Variants in ARF3 observed in about 807,000 individuals in gnomAD.
ARF3 encodes ARF GTPase 3.
A neutral mutation model predicts 19.3 loss-of-function variants in ARF3; 5 were observed. The ratio of observed to expected loss-of-function variants is 0.26; its 90% CI spans 0.14 to 0.54. ARF3 has a LOEUF of 0.54. Among genes scored for constraint, ARF3 ranks in the 20% least tolerant of loss-of-function variants. ARF3 has a pLI of 0.95. For missense variants in ARF3, 77 were observed against 234.2 expected (o/e 0.33, Z 4.38); for synonymous variants, 71 against 89.2 (o/e 0.80, Z 1.15).
chr12:48,949,289 G>A (rs982715277), intron 1 of ARF3, among the ~76,000 whole-genome samples: 2 of 152,144 alleles, frequency 1.3e-5, no homozygotes, highest in African/African-American at 4.8e-5. Flanking sequence ...GCAGTGGCGC[G>A]ATCTCGGCTC....
chr12:48,947,268 A>G (rs1481818711), intron 1 of ARF3, among the ~76,000 whole-genome samples: 1 of 151,960 alleles, frequency 6.6e-6, no homozygotes. Context: ...AAAGTTAAGA[A>G]ATAGCTTCTG....
At chr12:48,940,771 G>A (rs1290979202) in intron 2 of ARF3, among the ~76,000 whole-genome samples, 177 bp downstream of exon 2, 3 of 152,194 alleles carry the variant, frequency 2.0e-5, no homozygotes, top group Non-Finnish European at 4.4e-5. Context: ...CAGGTTAGGT[G>A]GGCAAACAGC....
chr12:48,940,196 A>G, intron 2 of ARF3, 89 bp from the exon 3 acceptor site: 1 of 1,072,306 alleles, frequency 9.3e-7, no homozygotes, highest in Non-Finnish European at 1.4e-6. Flanking sequence ...GCTTTCCCCC[A>G]GTGGTGGCCA....
chr12:48,943,680 T>C (rs1301090181), intron 1 of ARF3, among the ~76,000 whole-genome samples: 2 of 152,204 alleles, frequency 1.3e-5, no homozygotes, highest in African/African-American at 2.4e-5. Flanking sequence ...CAACAGTCCC[T>C]GAAGACCAAA....
At chr12:48,954,935 T>G (rs1476483571) in intron 1 of ARF3, among the ~76,000 whole-genome samples, 1 of 152,322 alleles carries the variant, frequency 6.6e-6, no homozygotes, top group East Asian at 1.9e-4. Context: ...ACAGGATGGC[T>G]TGAGGCCAGC....
chr12:48,938,896 C>A lies in ARF3; in HGVS notation c.*51G>T. 6.3e-7 allele frequency: 1 copy of A among 1,589,980 alleles called. No individual in the cohort carries two copies. Among genetic ancestry groups the A allele is most frequent in the Non-Finnish European group, 8.6e-7 (1 of 1,166,972 alleles). On this transcript the variant is annotated 3_prime_UTR_variant, in exon 5 of 5. Coordinates refer to ENST00000256682, the MANE Select transcript of ARF3 (RefSeq NM_001659.3). The stretch of plus-strand genomic sequence containing the variant: ...AAGGGGTAGGACTGGGGCAGGGTGA[C>A]AGTAGGTATGTCAGGGGTGGGTGGG...
Position 48,939,031 on chromosome 12 carries a change from G to A in ARF3, c.462C>T (p.Tyr154=). 1 of 1,613,914 alleles carries A rather than the reference G, an allele frequency of 6.2e-7. No individual in the cohort carries two copies. Among genetic ancestry groups the A allele is most frequent in the South Asian group, 1.1e-5 (1 of 91,060 alleles). ...CGCTGGTGGCACAGGTGGCCTGAAT[G>A]TACCAGTTACGGTGACGAAGGGAAT... is the stretch of plus-strand genomic sequence containing the variant. The part of the protein sequence containing the change: ...GLHSLRHRNW[Y]IQATCATSGD... The change falls in exon 5 of 5, where the codon TAC becomes TAT. Residue 154 remains tyrosine, a synonymous_variant. Coordinates refer to ENST00000256682, the MANE Select transcript of ARF3 (RefSeq NM_001659.3). This position sits in a 1 kb window ranked among gnomAD's most constrained non-coding sequence, Gnocchi z 4.8.
chr12:48,949,281 A>G (rs1940420428), intron 1 of ARF3, among the ~76,000 whole-genome samples: 1 of 152,172 alleles, frequency 6.6e-6, no homozygotes, highest in Admixed American at 6.5e-5. Flanking sequence ...GTTGCAGTGC[A>G]GTGGCGCGAT....
chr12:48,956,541 G>C (rs1193211265), intron 1 of ARF3: 1 of 152,078 alleles, frequency 6.6e-6, no homozygotes, highest in African/African-American at 2.4e-5. Flanking sequence ...ACTTCCTAAA[G>C]AAAGAAAGCG....
rs1162237088 is a variant in ARF3, at chr12:48,936,514, A to C, written c.*2433T>G. ...AGCTGTTAAGTGAATGGGAATGTAG[A>C]AAGGACCACCCCTGCCAAGGGCTTA... On this transcript the variant is annotated 3_prime_UTR_variant, in exon 5 of 5. Transcript: ENST00000256682. 1 of 152,718 alleles carries C rather than the reference A, an allele frequency of 6.5e-6. No homozygotes were observed. Among genetic ancestry groups the C allele is most frequent in the Non-Finnish European group, 1.5e-5 (1 of 68,094 alleles). The allele number at this position is 152,718 out of a possible 1,614,324, so 9.5% of individuals were successfully genotyped here.
At chr12:48,940,918 T>A (rs1940244788) in intron 2 of ARF3, 30 bp downstream of exon 2, 1 of 1,531,842 alleles carries the variant, frequency 6.5e-7, no homozygotes, top group African/African-American at 1.4e-5. Context: ...GCTGCCGGCG[T>A]GAAAGCCCAC....
chr12:48,940,111 T>A lies in ARF3; in HGVS notation c.149-4A>T. On this transcript the variant is annotated splice_region_variant and splice_polypyrimidine_tract_variant and intron_variant, in intron 2 of 4. Transcript: ENST00000256682. ...TCCACTGTCTCCACATTGAACCCTT[T>A]GGAAAAAAAACAGGCAATGGCCACT... 1 of 1,591,246 alleles carries A rather than the reference T, an allele frequency of 6.3e-7. No homozygotes were observed.
At chr12:48,940,746 C>T (rs1413740872) in intron 2 of ARF3, among the ~76,000 whole-genome samples, 1 of 152,176 alleles carries the variant, frequency 6.6e-6, no homozygotes, top group African/African-American at 2.4e-5. Flanking sequence ...TGGAAGTTCC[C>T]GCATCAGGGA....
intron 1 of ARF3, among the ~76,000 whole-genome samples, chr12:48,944,212 TTA>T (rs1453921828): frequency 1.3e-5 from 2 of 152,242 alleles, no homozygotes; most frequent in African/African-American, 4.8e-5. Context: ...TTGCTGTCCT[TTA>T]TGACTGAAAC....
Position 48,938,227 on chromosome 12 carries a change from T to G in ARF3, c.*720A>C. ...GAGAAGAGTACAAGGAAAATGGTGG[T>G]GAAGAATCCATCATCTGTCCTATCA... is the stretch of plus-strand genomic sequence containing the variant. On this transcript the variant is annotated 3_prime_UTR_variant, in exon 5 of 5. Coordinates refer to ENST00000256682, the MANE Select transcript of ARF3 (RefSeq NM_001659.3). The G allele has an allele frequency of 2.8e-6, 1 of 363,002 alleles. No individual in the cohort carries two copies. Among genetic ancestry groups the G allele is most frequent in the South Asian group, 2.0e-5 (1 of 50,330 alleles). The allele number at this position is 363,002 out of a possible 1,614,324, so 22.5% of individuals were successfully genotyped here. A position where few individuals can be genotyped will look rare whatever the true frequency, so the allele number is the denominator to read the frequency against.
intron 2 of ARF3, 91 bp from the exon 3 acceptor site, chr12:48,940,198 T>G: frequency 5.6e-6 from 6 of 1,063,680 alleles, no homozygotes; most frequent in Non-Finnish European, 1.5e-6. Flanking sequence ...TTTCCCCCAG[T>G]GGTGGCCATA....
intron 1 of ARF3, among the ~76,000 whole-genome samples, chr12:48,946,218 C>T (rs1335740141): frequency 6.6e-6 from 1 of 152,156 alleles, no homozygotes; most frequent in Non-Finnish European, 1.5e-5. Flanking sequence ...AGCATGCTGC[C>T]CTACCACCAA....
intron 1 of ARF3, among the ~76,000 whole-genome samples, chr12:48,941,977 T>C (rs1182039427): frequency 2.0e-5 from 3 of 152,172 alleles, no homozygotes; most frequent in African/African-American, 4.8e-5. Flanking sequence ...AGTCATCTCA[T>C]TGGTTCTCTG....
rs777797984 is a variant in ARF3, at chr12:48,936,452, G to A, written c.*2495C>T. 6.6e-6 allele frequency: 1 copy of A among 152,596 alleles called. No individual in the cohort carries two copies. Among genetic ancestry groups the A allele is most frequent in the Non-Finnish European group, 1.5e-5 (1 of 68,050 alleles). The allele number at this position is 152,596 out of a possible 1,614,324, so 9.5% of individuals were successfully genotyped here. A position where few individuals can be genotyped will look rare whatever the true frequency, so the allele number is the denominator to read the frequency against. ...CCTACCAGAGAGGAGAGGAGAGGGA[G>A]TGGGCAGAAATGGAATGAAACACCC... On this transcript the variant is annotated 3_prime_UTR_variant, in exon 5 of 5. Coordinates refer to ENST00000256682, the MANE Select transcript of ARF3 (RefSeq NM_001659.3).
Sources: gnomAD v4.1 joint callset for allele counts (sites outside exome capture counted in the v4.1 genomes callset) on GRCh38, gnomAD v4.1.1 for gene constraint, Gnocchi (gnomAD v3.1) non-coding constraint, MANE v1.5 for transcripts, NCBI Gene and HGNC (gene_info 2026-07-23, HGNC 2026-07-21) for gene names.